MICAL3: variants seen among roughly 807,000 people sequenced by gnomAD.
MICAL3 encodes the protein [F-actin]-monooxygenase MICAL3.
In MICAL3, 62 loss-of-function variants were observed where a neutral mutation model predicts 207.4. The observed-to-expected ratio is 0.30, with a 90% CI of 0.24 to 0.37. The LOEUF (loss-of-function observed/expected upper bound fraction) is 0.37. Among genes scored for constraint, MICAL3 ranks in the 10% least tolerant of loss-of-function variants. MICAL3 has a pLI of 1.00. For missense variants in MICAL3, 2,368 were observed against 2,635.6 expected (o/e 0.90, Z 2.22); for synonymous variants, 1,077 against 1,069.3 (o/e 1.01, Z -0.14).
intron 23 of MICAL3, among the ~76,000 whole-genome samples, chr22:17,822,513 C>T (rs903874058): frequency 6.6e-6 from 1 of 152,210 alleles, no homozygotes; most frequent in African/African-American, 2.4e-5. Flanking sequence ...CACTTCTATG[C>T]ACCTCCTCCT....
rs1924032129 is a variant in MICAL3, at chr22:17,841,748, A to ACC, written c.2801+72_2801+73dup. 1 of 1,459,898 alleles carries ACC rather than the reference A, an allele frequency of 6.8e-7. No homozygotes were observed. 90.4% of individuals were successfully genotyped at this position (1,459,898 alleles called of 1,614,324 possible). A position where few individuals can be genotyped will look rare whatever the true frequency, so the allele number is the denominator to read the frequency against. On this transcript the variant is annotated intron_variant, in intron 20 of 31. Transcript: ENST00000441493. This position sits in a 1 kb window ranked among gnomAD's most constrained non-coding sequence, Gnocchi z 4.2. Reference sequence around the variant, plus strand: ...GGAGGCCTCCCTTCACTGAGAAGAAACCGAGACACACAGAGGTGAGGAGGC... The same window carrying ACC: ...GGAGGCCTCCCTTCACTGAGAAGAAACCCCGAGACACACAGAGGTGAGGAGGC...
rs999170988 is a variant in MICAL3, at chr22:17,980,234, C to T, written c.-75+44047G>A. 3.9e-5 allele frequency among the ~76,000 whole-genome samples: 6 copies of T among 152,130 alleles called. No individual in the cohort carries two copies. The East Asian group carries it at 5.8e-4, about 15-fold the overall frequency. On this transcript the variant is annotated intron_variant, in intron 1 of 31. Transcript: ENST00000441493. Reference sequence around the variant, plus strand: ...TCTGGCTAGAGGCCGAATTAGCATTCGTGAAACAGCAGCAGCTCAGGGCAG... The same window carrying T: ...TCTGGCTAGAGGCCGAATTAGCATTTGTGAAACAGCAGCAGCTCAGGGCAG...
In MICAL3 at chr22:17,796,911, C is replaced by T. The variant is rs564224908; in HGVS notation, c.5651-5610G>A. On this transcript the variant is annotated intron_variant, in intron 29 of 31. Coordinates refer to ENST00000441493, the MANE Select transcript of MICAL3 (RefSeq NM_015241.3). This position sits in a 1 kb window ranked among gnomAD's most constrained non-coding sequence, Gnocchi z 4.4. ...ACCCAGTGTGGGGTAGAATGGCCAA[C>T]AGTGTGGGGGAAAGAGTGGCCAGCT... Among the ~76,000 whole-genome samples, 3 of 152,204 alleles carry T rather than the reference C, an allele frequency of 2.0e-5. No individual in the cohort carries two copies. In the South Asian group the frequency reaches 6.2e-4, roughly 32 times the overall value.
chr22:17,979,784 CAAAA>C (rs35242147), intron 1 of MICAL3, among the ~76,000 whole-genome samples: 7 of 148,212 alleles, frequency 4.7e-5, no homozygotes, highest in South Asian at 2.2e-4. Flanking sequence ...TTTAAAAAAA[CAAAA>C]AAAAACAAAA....
Position 17,817,545 on chromosome 22 carries a change from G to T in MICAL3, c.5116C>A (p.Arg1706Ser), listed in dbSNP as rs190828415. 3 of 1,613,394 alleles carry T rather than the reference G, an allele frequency of 1.9e-6. No individual in the cohort carries two copies. The highest frequency in any genetic ancestry group is 2.2e-5 in the East Asian group (1 of 44,866). The change falls in exon 26 of 32, where the codon CGC becomes AGC. Residue 1706 changes from arginine to serine, a missense_variant. Arg to Ser is a moderately radical substitution (Grantham distance 110, BLOSUM62 -1). Around this residue, in one of 4 missense-constraint regions of MICAL3, gnomAD observed 1,770 missense variants for 1,863.2 expected, o/e 0.95. Transcript: ENST00000441493. ...GACTTCTTCTCCTTCTTGTTTCTGC[G>T]GGGGGAGAAGAGTGACGACCTCTTC... Reference protein sequence around the residue: ...SKKRSSLFSPRRNKKEKKSKG... With the variant: ...SKKRSSLFSPSRNKKEKKSKG...
At chr22:17,985,875 T>C (rs1259958157) in intron 1 of MICAL3, among the ~76,000 whole-genome samples, 1 of 152,064 alleles carries the variant, frequency 6.6e-6, no homozygotes, top group Non-Finnish European at 1.5e-5. Flanking sequence ...ATTTCAGATG[T>C]GCTGGGACAC....
chr22:17,797,454 A>T (rs2061888464), intron 29 of MICAL3, among the ~76,000 whole-genome samples: 1 of 152,146 alleles, frequency 6.6e-6, no homozygotes, highest in Non-Finnish European at 1.5e-5. Context: ...TGACTGCACC[A>T]CTGCACTCCA....
At chr22:17,945,159 G>A (rs1934003671) in intron 1 of MICAL3, among the ~76,000 whole-genome samples, 1 of 151,902 alleles carries the variant, frequency 6.6e-6, no homozygotes. Context: ...CAGGAAAAAA[G>A]CCTCAAGTCC....
At position 17,790,266 on chromosome 22, in the gene MICAL3, A is replaced by T; in HGVS notation, c.*466T>A. 1 of 158,314 alleles carries T rather than the reference A, an allele frequency of 6.3e-6. No homozygotes were observed. Among genetic ancestry groups the T allele is most frequent in the Non-Finnish European group, 1.4e-5 (1 of 71,768 alleles). 9.8% of individuals were successfully genotyped at this position (158,314 alleles called of 1,614,324 possible). A position where few individuals can be genotyped will look rare whatever the true frequency, so the allele number is the denominator to read the frequency against. ...CGCCCCCATCCTGGGTCTCGATCGC[A>T]CCCTGACCCCTGACCCTGCTTTCGT... On this transcript the variant is annotated 3_prime_UTR_variant, in exon 32 of 32. Transcript: ENST00000441493.
intron 21 of MICAL3, among the ~76,000 whole-genome samples, chr22:17,830,878 GA>G (rs1922729347): frequency 6.6e-6 from 1 of 152,192 alleles, no homozygotes; most frequent in African/African-American, 2.4e-5. Context: ...CAACATCCTG[GA>G]GCTGCACAGC....
Position 17,939,410 on chromosome 22 carries a change from T to A in MICAL3, c.-74-32524A>T, listed in dbSNP as rs1933705796. Among the ~76,000 whole-genome samples the A allele has an allele frequency of 3.9e-5, 6 of 152,302 alleles. No individual in the cohort carries two copies. The South Asian group carries it at 1.2e-3, about 32-fold the overall frequency. On this transcript the variant is annotated intron_variant, in intron 1 of 31. Coordinates refer to ENST00000441493, the MANE Select transcript of MICAL3 (RefSeq NM_015241.3). Reference sequence around the variant, plus strand: ...AAGTCACACACCAGCTGAGGACCAGTGCCACAAAGAAGAAGGGCTGCACCT... The same window carrying A: ...AAGTCACACACCAGCTGAGGACCAGAGCCACAAAGAAGAAGGGCTGCACCT...
At chr22:17,997,365 A>G (rs1922404854) in intron 1 of MICAL3, among the ~76,000 whole-genome samples, 1 of 152,128 alleles carries the variant, frequency 6.6e-6, no homozygotes, top group African/African-American at 2.4e-5. Flanking sequence ...CGCCCGGCCC[A>G]TCTGGTCTTA....
At chr22:17,938,041 T>A (rs1199697025) in intron 1 of MICAL3, among the ~76,000 whole-genome samples, 2 of 152,146 alleles carry the variant, frequency 1.3e-5, no homozygotes, top group Non-Finnish European at 2.9e-5. Context: ...CTGATTATAG[T>A]ATCTATCTTT....
At chr22:17,930,510 T>C (rs992217715) in intron 1 of MICAL3, among the ~76,000 whole-genome samples, 29 of 152,118 alleles carry the variant, frequency 1.9e-4, no homozygotes, top group African/African-American at 7.0e-4. Context: ...GCCACACCGA[T>C]GAAACTCACA....
At chr22:17,877,446 G>A (rs1383008964) in intron 16 of MICAL3, among the ~76,000 whole-genome samples, 10 of 116,540 alleles carry the variant, frequency 8.6e-5, no homozygotes, top group South Asian at 5.2e-4. Flanking sequence ...GGTGAGGGAG[G>A]TTATGGAGGT....
At chr22:17,973,747 G>C (rs965824847) in intron 1 of MICAL3, among the ~76,000 whole-genome samples, 1 of 152,080 alleles carries the variant, frequency 6.6e-6, no homozygotes, top group South Asian at 2.1e-4. Context: ...TGGGCAACAC[G>C]GTGAGACGCC....
chr22:17,893,357 T>C (rs1432788638), intron 11 of MICAL3, among the ~76,000 whole-genome samples: 4 of 152,154 alleles, frequency 2.6e-5, no homozygotes, highest in African/African-American at 9.7e-5. Flanking sequence ...CTTCAATACA[T>C]ACAAAATCTG....
At chr22:17,950,603 C>T (rs1205380333) in intron 1 of MICAL3, among the ~76,000 whole-genome samples, 1 of 152,188 alleles carries the variant, frequency 6.6e-6, no homozygotes, top group Non-Finnish European at 1.5e-5. Flanking sequence ...TCCCAAAGTG[C>T]TGGGATTACA....
At chr22:18,012,590 G>T (rs1923816107) in intron 1 of MICAL3, among the ~76,000 whole-genome samples, 1 of 152,198 alleles carries the variant, frequency 6.6e-6, no homozygotes, top group Non-Finnish European at 1.5e-5. Context: ...ATAGGGCCGG[G>T]GCGGCCAGAG....
Sources: allele counts gnomAD v4.1 joint callset (sites outside exome capture counted in the v4.1 genomes callset), GRCh38; gene constraint gnomAD v4.1.1; regional missense constraint gnomAD v4.1.1; non-coding constraint Gnocchi (gnomAD v3.1); transcripts MANE v1.5; gene names NCBI Gene and HGNC (gene_info 2026-07-23, HGNC 2026-07-21).